EIF4G3: variants seen among roughly 807,000 people sequenced by gnomAD.
EIF4G3 encodes the protein eukaryotic translation initiation factor 4 gamma 3, also known as eIF-4-gamma 3.
EIF4G3 carries 34 observed loss-of-function variants against 186.4 expected under a neutral mutation model. The observed-to-expected ratio is 0.18, with a 90% CI of 0.14 to 0.24. The LOEUF (loss-of-function observed/expected upper bound fraction) is 0.24, where lower values mean the gene tolerates loss of function less well. EIF4G3 is among the 10% of genes least tolerant of loss of function. The pLI is 1.00. For missense variants in EIF4G3, 1,536 were observed against 1,948.5 expected (o/e 0.79, Z 3.99); for synonymous variants, 673 against 679.5 (o/e 0.99, Z 0.15).
intron 20 of EIF4G3, among the ~76,000 whole-genome samples, chr1:20,869,823 T>TA (rs202071372): frequency 3.4e-5 from 5 of 145,014 alleles, no homozygotes; most frequent in South Asian, 2.2e-4. Flanking sequence ...ATATGGTAAT[T>TA]AAAAAAAAAT....
chr1:21,100,047 T>C (rs1305122560), intron 2 of EIF4G3, among the ~76,000 whole-genome samples: 1 of 152,220 alleles, frequency 6.6e-6, no homozygotes, highest in African/African-American at 2.4e-5. Context: ...AAAGTGGTGA[T>C]ACATGTACAT....
intron 14 of EIF4G3, among the ~76,000 whole-genome samples, chr1:20,933,644 A>G (rs930610934): frequency 2.6e-5 from 4 of 152,194 alleles, no homozygotes; most frequent in Non-Finnish European, 4.4e-5. Context: ...CAACAGAGTG[A>G]GACTCTATCT....
intron 7 of EIF4G3, among the ~76,000 whole-genome samples, chr1:20,992,533 A>ACTC (rs570517408): frequency 8.6e-5 from 13 of 150,922 alleles, no homozygotes; most frequent in Admixed American, 4.0e-4. Flanking sequence ...TATGGCACAT[A>ACTC]CTCCTCCTCC....
At position 20,865,122 on chromosome 1, in the gene EIF4G3, G is replaced by C; in HGVS notation, c.2763C>G (p.Ala921=). 6.2e-7 allele frequency: 1 copy of C among 1,613,990 alleles called. No homozygotes were observed. Residue 921 remains alanine, a synonymous_variant, in exon 21 of 37, where the codon GCC becomes GCG. Transcript: ENST00000602326. ...FEKKQKELEA[A]SAPEERTRLH... is the part of the protein sequence containing the mutation. ...TTTCTATGAAAATACTTACAGCACTGGCAGCCTCAAGTTCTTTCTGCTTCT... is the reference window on the plus strand; with the variant it reads ...TTTCTATGAAAATACTTACAGCACTCGCAGCCTCAAGTTCTTTCTGCTTCT...
intron 12 of EIF4G3, among the ~76,000 whole-genome samples, chr1:20,967,822 T>G (rs1236785328): frequency 6.6e-6 from 1 of 152,256 alleles, no homozygotes; most frequent in Non-Finnish European, 1.5e-5. Context: ...GCTTTCTATG[T>G]GATCATCCAT....
At chr1:20,906,142 T>G (rs1197580162) in intron 14 of EIF4G3, among the ~76,000 whole-genome samples, 1 of 152,174 alleles carries the variant, frequency 6.6e-6, no homozygotes, top group African/African-American at 2.4e-5. Context: ...CAGGAACCAT[T>G]AAGGAAACAC....
At chr1:21,009,566 T>C (rs1483799398) in intron 4 of EIF4G3, among the ~76,000 whole-genome samples, 1 of 151,434 alleles carries the variant, frequency 6.6e-6, no homozygotes, top group Non-Finnish European at 1.5e-5. Context: ...CACTTAAATC[T>C]GGCCAGAGAA....
intron 3 of EIF4G3, among the ~76,000 whole-genome samples, chr1:21,062,746 C>CTGG (rs2094990375): frequency 6.6e-6 from 1 of 152,118 alleles, no homozygotes; most frequent in Non-Finnish European, 1.5e-5. Flanking sequence ...CGTGCCACCA[C>CTGG]GCCTGGCTAA....
At chr1:20,874,386 C>T (rs1419685397) in intron 20 of EIF4G3, among the ~76,000 whole-genome samples, 1 of 152,136 alleles carries the variant, frequency 6.6e-6, no homozygotes, top group African/African-American at 2.4e-5. Flanking sequence ...GAGATGGTAT[C>T]TCATTGTGGT....
At chr1:20,970,258 C>A (rs1336247200) in intron 11 of EIF4G3, among the ~76,000 whole-genome samples, 4 of 152,186 alleles carry the variant, frequency 2.6e-5, no homozygotes, top group African/African-American at 2.4e-5. Context: ...ATGCTGACTG[C>A]AATCATGCCT....
At chr1:20,982,496 C>A (rs2078510769) in intron 7 of EIF4G3, 88 bp from the exon 8 acceptor site, 1 of 890,498 alleles carries the variant, frequency 1.1e-6, no homozygotes, top group Non-Finnish European at 1.6e-6. Flanking sequence ...CAGGAAATAG[C>A]ATGCAGCTCA....
chr1:21,156,145 CA>C (rs59684532), intron 2 of EIF4G3, among the ~76,000 whole-genome samples: 1 of 145,152 alleles, frequency 6.9e-6, no homozygotes, highest in Non-Finnish European at 1.5e-5. Context: ...AAAAAAACAA[CA>C]AAAAAAAACT....
intron 29 of EIF4G3, among the ~76,000 whole-genome samples, chr1:20,842,499 C>T (rs540359809): frequency 3.7e-4 from 57 of 152,300 alleles, no homozygotes; most frequent in African/African-American, 1.3e-3. Context: ...TCCCAAGTAG[C>T]TGGGATTATA....
At chr1:21,161,081 G>A (rs539192624) in intron 2 of EIF4G3, among the ~76,000 whole-genome samples, 2 of 152,276 alleles carry the variant, frequency 1.3e-5, no homozygotes, top group African/African-American at 4.8e-5. Context: ...TGAGGCAGGA[G>A]AATCACTTGA....
At chr1:20,837,751 T>TAACTC (rs2154548853) in intron 30 of EIF4G3, among the ~76,000 whole-genome samples, 1 of 152,282 alleles carries the variant, frequency 6.6e-6, no homozygotes, top group South Asian at 2.1e-4. Context: ...GAACCATTTA[T>TAACTC]AACTCAGGCT....
chr1:20,860,491 A>G lies in EIF4G3; in HGVS notation c.3138T>C (p.Asp1046=). 1 of 1,614,020 alleles carries G rather than the reference A, an allele frequency of 6.2e-7. No individual in the cohort carries two copies. Among genetic ancestry groups the G allele is most frequent in the Non-Finnish European group, 8.5e-7 (1 of 1,179,972 alleles). The change falls in exon 24 of 37, where the codon GAT becomes GAC. Residue 1046 remains aspartate (D), a synonymous_variant. Coordinates refer to ENST00000602326, the MANE Select transcript of EIF4G3 (RefSeq NM_001391906.1). ...TCTGTTCGATAGTTTTAGGCCCTTGATCTGCTCTTCGAGATACCCAATTGC... is the reference window on the plus strand; with the variant it reads ...TCTGTTCGATAGTTTTAGGCCCTTGGTCTGCTCTTCGAGATACCCAATTGC... The part of the protein sequence containing the change: ...RLCNWVSRRA[D]QGPKTIEQIH...
chr1:21,022,592 C>T (rs2091000200), intron 4 of EIF4G3, among the ~76,000 whole-genome samples: 1 of 152,228 alleles, frequency 6.6e-6, no homozygotes. Flanking sequence ...CCCTCAATAA[C>T]ACCAACCAGT....
At position 20,879,397 on chromosome 1, in the gene EIF4G3, G is replaced by A. The variant is rs1395521394; in HGVS notation, c.2548C>T (p.Leu850=). 5.6e-6 allele frequency: 9 copies of A among 1,603,952 alleles called. No individual in the cohort carries two copies. The highest frequency in any genetic ancestry group is 7.7e-6 in the Non-Finnish European group (9 of 1,174,914). ...TCATCAATAGCCTTCTCAAAGACCA[G>A]GTCAATAACTCCTTTCAGCCGCTCC... ...TEERLKGVID[L]VFEKAIDEPS... The change falls in exon 20 of 37, where the codon CTG becomes TTG. Residue 850 remains leucine (L), a synonymous_variant. Transcript: ENST00000602326.
In EIF4G3 at chr1:21,068,375, T is replaced by TAAAAAAAAAAAAAA. The variant is rs869306512; in HGVS notation, c.-195-17395_-195-17382dup. The stretch of plus-strand genomic sequence containing the variant: ...GGGCGACAGAGTGAAACTCTGTCTT[T>TAAAAAAAAAAAAAA]AAAAAAAAAAAAAAAAAAAAAAAAA... On this transcript the variant is annotated intron_variant, in intron 3 of 36. Transcript: ENST00000602326. 8.9e-3 allele frequency among the ~76,000 whole-genome samples: 600 copies of TAAAAAAAAAAAAAA among 67,740 alleles called. 34 individuals are homozygous for TAAAAAAAAAAAAAA. The highest frequency in any genetic ancestry group is 0.011 in the Non-Finnish European group (393 of 34,304). The allele number at this position is 67,740 out of a possible 152,430, so 44.4% of individuals were successfully genotyped here. A position where few individuals can be genotyped will look rare whatever the true frequency, so the allele number is the denominator to read the frequency against.
Sources: allele counts gnomAD v4.1 joint callset (sites outside exome capture counted in the v4.1 genomes callset), GRCh38; gene constraint gnomAD v4.1.1; transcripts MANE v1.5; gene names NCBI Gene and HGNC (gene_info 2026-07-23, HGNC 2026-07-21).